Variants in PRKCE observed in about 807,000 individuals in gnomAD.
The protein encoded by PRKCE is protein kinase C epsilon.
In PRKCE, 16 loss-of-function variants were observed where a neutral mutation model predicts 85.4. The observed-to-expected ratio is 0.19, with a 90% CI of 0.13 to 0.28. The LOEUF (loss-of-function observed/expected upper bound fraction) is 0.28. Among genes scored for constraint, PRKCE ranks in the 10% least tolerant of loss-of-function variants. PRKCE has a pLI of 1.00. For missense variants in PRKCE, 573 were observed against 975.2 expected (o/e 0.59, Z 5.49); for synonymous variants, 388 against 371.5 (o/e 1.04, Z -0.51).
intron 10 of PRKCE, among the ~76,000 whole-genome samples, chr2:46,060,516 G>A (rs577196489): frequency 1.3e-5 from 2 of 152,256 alleles, no homozygotes; most frequent in East Asian, 3.9e-4. Context: ...GAAGGAGAGG[G>A]GAAAGACCAG....
chr2:46,015,680 A>C (rs1706065662), intron 10 of PRKCE, among the ~76,000 whole-genome samples: 1 of 150,200 alleles, frequency 6.7e-6, no homozygotes, highest in South Asian at 2.2e-4. Context: ...TGAAGAACAG[A>C]AACACTAAAC....
chr2:45,985,906 A>C (rs1021404293), intron 6 of PRKCE, among the ~76,000 whole-genome samples: 5 of 152,238 alleles, frequency 3.3e-5, no homozygotes, highest in Non-Finnish European at 2.9e-5. Flanking sequence ...GTCTAGACTG[A>C]GCATTTAGAT....
At chr2:46,102,097 T>C (rs12614703) in intron 11 of PRKCE, among the ~76,000 whole-genome samples, 17,359 of 152,138 alleles carry the variant, frequency 0.11, 1,246 homozygotes, top group East Asian at 0.31. Context: ...TCACATTCCA[T>C]TGGTAGCTTG....
chr2:45,782,006 C>A (rs6744925), intron 1 of PRKCE, among the ~76,000 whole-genome samples: 2,702 of 152,066 alleles, frequency 0.018, 69 homozygotes, highest in African/African-American at 0.062. Flanking sequence ...AGGTTTGAGC[C>A]TCGTTTTTGG....
chr2:45,906,369 C>T (rs1463124300), intron 2 of PRKCE, among the ~76,000 whole-genome samples: 1 of 152,178 alleles, frequency 6.6e-6, no homozygotes, highest in Non-Finnish European at 1.5e-5. Flanking sequence ...TTAATTAAAC[C>T]CCTGTGGATC....
At chr2:45,712,405 CT>C (rs901213901) in intron 1 of PRKCE, among the ~76,000 whole-genome samples, 3 of 152,036 alleles carry the variant, frequency 2.0e-5, no homozygotes, top group African/African-American at 7.2e-5. Flanking sequence ...TTTACCCCAC[CT>C]TGGCCTTCCA....
At chr2:45,862,743 C>G (rs938732660) in intron 2 of PRKCE, among the ~76,000 whole-genome samples, 1 of 152,118 alleles carries the variant, frequency 6.6e-6, no homozygotes, top group Non-Finnish European at 1.5e-5. Context: ...AAAGTCAGCT[C>G]TATTCTGCTC....
intron 11 of PRKCE, among the ~76,000 whole-genome samples, chr2:46,128,067 T>C (rs1674041596): frequency 1.3e-5 from 2 of 152,136 alleles, no homozygotes; most frequent in African/African-American, 4.8e-5. Flanking sequence ...AAAGATAAAA[T>C]GAAAGCAAGC....
chr2:45,836,713 G>A (rs1051582417), intron 1 of PRKCE, among the ~76,000 whole-genome samples: 14 of 152,134 alleles, frequency 9.2e-5, no homozygotes, highest in African/African-American at 2.2e-4. Flanking sequence ...ATGGTTCCCC[G>A]TCTGCCTCCT....
At chr2:45,722,814 A>T (rs1409038217) in intron 1 of PRKCE, among the ~76,000 whole-genome samples, 3 of 152,172 alleles carry the variant, frequency 2.0e-5, no homozygotes, top group Non-Finnish European at 4.4e-5. Flanking sequence ...AAGATAAGTT[A>T]ACAGGGCTGG....
intron 1 of PRKCE, among the ~76,000 whole-genome samples, chr2:45,707,746 A>C (rs532878751): frequency 6.6e-6 from 1 of 152,346 alleles, no homozygotes; most frequent in South Asian, 2.1e-4. Context: ...ATGAAATAAA[A>C]TGGAAATAGC....
chr2:45,658,753 GA>G (rs1361545752), intron 1 of PRKCE, among the ~76,000 whole-genome samples: 2 of 152,190 alleles, frequency 1.3e-5, no homozygotes, highest in African/African-American at 4.8e-5. Context: ...TCTTAAATCA[GA>G]ACATATGGTC....
intron 1 of PRKCE, among the ~76,000 whole-genome samples, chr2:45,658,020 T>G (rs1352386029): frequency 6.6e-6 from 1 of 152,220 alleles, no homozygotes; most frequent in Non-Finnish European, 1.5e-5. Context: ...ATCTCTATCT[T>G]CAGGACATTT....
At chr2:45,866,580 T>G (rs1693633323) in intron 2 of PRKCE, among the ~76,000 whole-genome samples, 1 of 152,232 alleles carries the variant, frequency 6.6e-6, no homozygotes, top group South Asian at 2.1e-4. Flanking sequence ...GTGCTGGAAT[T>G]ACAGGCATGA....
At chr2:45,736,882 G>C (rs2104601254) in intron 1 of PRKCE, among the ~76,000 whole-genome samples, 1 of 152,308 alleles carries the variant, frequency 6.6e-6, no homozygotes, top group Non-Finnish European at 1.5e-5. Context: ...GGATCATTTT[G>C]GTTTAAGGTG....
At chr2:45,964,433 G>A (rs1478762577) in intron 2 of PRKCE, among the ~76,000 whole-genome samples, 1 of 152,290 alleles carries the variant, frequency 6.6e-6, no homozygotes, top group East Asian at 1.9e-4. Context: ...TCCCACCCTT[G>A]GCTGGTGCCC....
chr2:45,846,292 C>T (rs1691782432), intron 2 of PRKCE, among the ~76,000 whole-genome samples: 1 of 152,098 alleles, frequency 6.6e-6, no homozygotes, highest in South Asian at 2.1e-4. Context: ...ATTTCTTATT[C>T]TTTCTAATAA....
chr2:45,761,600 T>C lies in PRKCE; in HGVS notation c.349-81400T>C, dbSNP rs115195436. On this transcript the variant is annotated intron_variant, in intron 1 of 14. Coordinates refer to ENST00000306156, the MANE Select transcript of PRKCE (RefSeq NM_005400.3). ...GGAAGATTCCAATTGGCCTCACTTT[T>C]GGGTCTAGTGGATCTGGACTTGGGC... Among the ~76,000 whole-genome samples, 544 of 152,280 alleles carry C rather than the reference T, an allele frequency of 3.6e-3. 7 individuals are homozygous for C. The highest frequency in any genetic ancestry group is 0.013 in the African/African-American group (526 of 41,556).
chr2:45,917,427 T>C (rs4952793), intron 2 of PRKCE, among the ~76,000 whole-genome samples: 37,108 of 151,194 alleles, frequency 0.25, 5,444 homozygotes, highest in South Asian at 0.36. Flanking sequence ...CCCACCAGAG[T>C]AGCTAGATAC....
Sources: allele counts gnomAD v4.1 joint callset (sites outside exome capture counted in the v4.1 genomes callset), GRCh38; gene constraint gnomAD v4.1.1; transcripts MANE v1.5; gene names NCBI Gene and HGNC (gene_info 2026-07-23, HGNC 2026-07-21).